The following DIAPH2 variants were observed in gnomAD, a reference collection of about 807,000 sequenced individuals.
DIAPH2 encodes the protein diaphanous related formin 2.
A neutral mutation model predicts 92.7 loss-of-function variants in DIAPH2; 35 were observed. The observed-to-expected ratio is 0.38, with a 90% CI of 0.29 to 0.50. The LOEUF (loss-of-function observed/expected upper bound fraction) is 0.50, where lower values mean the gene tolerates loss of function less well. DIAPH2 is among the 20% of genes least tolerant of loss of function. The pLI, the probability that DIAPH2 is intolerant of heterozygous loss-of-function variation, is 0.94. For synonymous variants in DIAPH2, 301 were observed against 280.4 expected (o/e 1.07, Z -0.73); for missense variants, 701 against 819.5 (o/e 0.86, Z 1.77).
At chrX:97,189,343 C>T (rs1380421872) in intron 22 of DIAPH2, among the ~76,000 whole-genome samples, 2 of 110,257 alleles carry the variant, frequency 1.8e-5, no homozygotes, top group Non-Finnish European at 1.9e-5. Context: ...AAAGATGTGG[C>T]CCCCAAGGTC....
At chrX:97,241,916 C>T (rs1302537533) in intron 22 of DIAPH2, among the ~76,000 whole-genome samples, 3 of 107,125 alleles carry the variant, frequency 2.8e-5, no homozygotes, top group African/African-American at 1.0e-4. Flanking sequence ...GCTGGGATTA[C>T]AGGCGCCCAC....
At chrX:96,708,984 C>T (rs947906765) in intron 1 of DIAPH2, among the ~76,000 whole-genome samples, 1 of 111,836 alleles carries the variant, frequency 8.9e-6, no homozygotes, top group African/African-American at 3.3e-5. Context: ...ATGGGACTTC[C>T]GTAAGTCTAG....
In DIAPH2 at chrX:96,865,449, T is replaced by A. The variant is rs1276583722; in HGVS notation, c.448-16130T>A. On this transcript the variant is annotated intron_variant, in intron 4 of 26. Coordinates refer to ENST00000324765, the MANE Select transcript of DIAPH2 (RefSeq NM_006729.5). ...ATGTTCAAATTCAGGAAAGGGGCCC[T>A]CTAGGCAAAAAGAAGAACACATGCA... Among the ~76,000 whole-genome samples the A allele has an allele frequency of 2.7e-5, 3 of 111,983 alleles. No individual in the cohort carries two copies. In the East Asian group the frequency reaches 8.4e-4, roughly 31 times the overall value.
chrX:96,875,084 G>C (rs1426706154), intron 4 of DIAPH2, among the ~76,000 whole-genome samples: 1 of 112,111 alleles, frequency 8.9e-6, no homozygotes, highest in Non-Finnish European at 1.9e-5. Flanking sequence ...TAAAATCATT[G>C]TATAAAATTA....
intron 22 of DIAPH2, among the ~76,000 whole-genome samples, chrX:97,171,594 A>C (rs754385068): frequency 8.9e-6 from 1 of 112,100 alleles, no homozygotes; most frequent in African/African-American, 3.2e-5. Context: ...TCCATAGAAA[A>C]GATATGGGTA....
intron 1 of DIAPH2, among the ~76,000 whole-genome samples, chrX:96,710,034 C>T (rs1382568909): frequency 2.7e-5 from 3 of 111,450 alleles, no homozygotes; most frequent in South Asian, 3.8e-4. Context: ...TTTTCAAGTA[C>T]GGTACTTATC....
chrX:96,838,453 C>A (rs774590359), intron 4 of DIAPH2, among the ~76,000 whole-genome samples: 1 of 112,021 alleles, frequency 8.9e-6, no homozygotes, highest in African/African-American at 3.2e-5. Context: ...TAAATACTTT[C>A]ATGTCATTAT....
chrX:97,584,920 T>C (rs1298713848), intron 26 of DIAPH2, among the ~76,000 whole-genome samples: 3 of 112,646 alleles, frequency 2.7e-5, no homozygotes, highest in African/African-American at 9.7e-5. Flanking sequence ...CTGACTGTTA[T>C]GTCACAGTTC....
intron 23 of DIAPH2, among the ~76,000 whole-genome samples, chrX:97,307,908 C>CAAAAAA (rs34217377): frequency 2.0e-4 from 13 of 64,781 alleles, no homozygotes; most frequent in East Asian, 5.3e-4. Context: ...GACTCTGTCT[C>CAAAAAA]AAAAAAAAAA....
At chrX:97,547,319 G>A (rs747236011) in intron 26 of DIAPH2, among the ~76,000 whole-genome samples, 26 of 112,023 alleles carry the variant, frequency 2.3e-4, no homozygotes, top group Non-Finnish European at 3.8e-4. Flanking sequence ...TTTGGGTACA[G>A]GAAGTTTTAA....
chrX:96,826,562 G>A (rs868167125), intron 4 of DIAPH2, among the ~76,000 whole-genome samples: 55 of 110,857 alleles, frequency 5.0e-4, no homozygotes, highest in African/African-American at 1.7e-3. Flanking sequence ...ACCCTTTTAC[G>A]TTATCTGTGA....
At chrX:97,549,335 T>A (rs776590508) in intron 26 of DIAPH2, among the ~76,000 whole-genome samples, 1 of 111,866 alleles carries the variant, frequency 8.9e-6, no homozygotes. Flanking sequence ...TTTATAGCTT[T>A]AAAAAAATTA....
chrX:97,391,383 A>G (rs755351035), intron 25 of DIAPH2, among the ~76,000 whole-genome samples: 7 of 111,806 alleles, frequency 6.3e-5, no homozygotes, highest in Non-Finnish European at 1.3e-4. Context: ...AACTTTAAAT[A>G]TGTCCAATTA....
chrX:96,903,011 T>C (rs1375134461), intron 5 of DIAPH2, among the ~76,000 whole-genome samples: 1 of 111,192 alleles, frequency 9.0e-6, no homozygotes, highest in African/African-American at 3.3e-5. Context: ...TCACACTCTG[T>C]AATAAGTCTT....
intron 25 of DIAPH2, among the ~76,000 whole-genome samples, chrX:97,385,791 A>G (rs997903458): frequency 8.9e-6 from 1 of 112,201 alleles, no homozygotes; most frequent in Non-Finnish European, 1.9e-5. Context: ...GAACTATTCT[A>G]GGAATTTTAC....
chrX:96,950,192 A>C (rs931513993), intron 15 of DIAPH2, among the ~76,000 whole-genome samples: 2 of 111,034 alleles, frequency 1.8e-5, no homozygotes, highest in African/African-American at 6.6e-5. Flanking sequence ...GACCTTCCAC[A>C]ATATTCTGTC....
At chrX:97,274,022 TGTGTG>T (rs2068414500) in intron 23 of DIAPH2, among the ~76,000 whole-genome samples, 7 of 106,017 alleles carry the variant, frequency 6.6e-5, no homozygotes, top group Non-Finnish European at 1.4e-4. Flanking sequence ...TGTGTGTGTG[TGTGTG>T]TGTGTGTGTG....
At chrX:97,542,303 G>A (rs1410904131) in intron 26 of DIAPH2, among the ~76,000 whole-genome samples, 2 of 111,999 alleles carry the variant, frequency 1.8e-5, no homozygotes, top group Admixed American at 1.9e-4. Context: ...GGATGGGTAA[G>A]ACCCTGGGAC....
intron 17 of DIAPH2, among the ~76,000 whole-genome samples, chrX:97,000,843 C>T (rs2066138949): frequency 9.0e-6 from 1 of 111,293 alleles, no homozygotes; most frequent in Non-Finnish European, 1.9e-5. Flanking sequence ...TTGCTTCAAC[C>T]AGGCCAATTT....
Sources: allele counts gnomAD v4.1 joint callset (sites outside exome capture counted in the v4.1 genomes callset), GRCh38; gene constraint gnomAD v4.1.1; transcripts MANE v1.5; gene names NCBI Gene and HGNC (gene_info 2026-07-23, HGNC 2026-07-21).